MED21: variants seen among roughly 807,000 people sequenced by gnomAD.
The protein encoded by MED21 is mediator complex subunit 21.
A neutral mutation model predicts 18.2 loss-of-function variants in MED21; 9 were observed. The observed-to-expected ratio is 0.49, with a 90% confidence interval of 0.30 to 0.86. The LOEUF (loss-of-function observed/expected upper bound fraction) is 0.86. Ranked by LOEUF, MED21 falls within the 40% of genes least tolerant of loss-of-function variation. The pLI is 0.07. For synonymous variants in MED21, 73 were observed against 60.5 expected (o/e 1.21, Z -0.96); for missense variants, 150 against 170.9 (o/e 0.88, Z 0.68).
rs781165863 is a variant in MED21 at position 27,030,468 on chromosome 12, A to G, written c.*2007A>G. On this transcript the variant is annotated 3_prime_UTR_variant, in exon 4 of 4. Transcript: ENST00000282892. The stretch of plus-strand genomic sequence containing the variant: ...CCTAAAAAACTACAGATTATTTTCA[A>G]AAGCATTAATAAATTAAGGTGGAAT... The G allele has an allele frequency of 2.9e-6, 1 of 347,270 alleles. No individual in the cohort carries two copies. The highest frequency in any genetic ancestry group is 5.1e-6 in the Non-Finnish European group (1 of 195,528). 21.5% of individuals were successfully genotyped at this position (347,270 alleles called of 1,614,324 possible). A position where few individuals can be genotyped will look rare whatever the true frequency, so the allele number is the denominator to read the frequency against.
In MED21 at chr12:27,030,485, A is replaced by G; in HGVS notation, c.*2024A>G. On this transcript the variant is annotated 3_prime_UTR_variant, in exon 4 of 4. Coordinates refer to ENST00000282892, the MANE Select transcript of MED21 (RefSeq NM_004264.5). ...TATTTTCAAAAGCATTAATAAATTA[A>G]GGTGGAATACTAAAAAAGATTCAGG... The G allele has an allele frequency of 3.2e-6, 1 of 316,468 alleles. No homozygotes were observed. The highest frequency in any genetic ancestry group is 5.7e-6 in the Non-Finnish European group (1 of 176,142). 19.6% of individuals were successfully genotyped at this position (316,468 alleles called of 1,614,324 possible).
chr12:27,022,681 G>T (rs1941486823), intron 1 of MED21, 60 bp downstream of exon 1: 1 of 1,612,320 alleles, frequency 6.2e-7, no homozygotes, highest in African/African-American at 1.3e-5. Context: ...AGCAAGGGAG[G>T]AAAGGGGCCC....
chr12:27,022,813 G>T (rs1209046032), intron 1 of MED21, 192 bp downstream of exon 1: 7 of 1,507,004 alleles, frequency 4.6e-6, no homozygotes, highest in Non-Finnish European at 6.2e-6. Flanking sequence ...GGTGCTTGAA[G>T]GTGCGGGAGG....
intron 1 of MED21, among the ~76,000 whole-genome samples, chr12:27,023,454 G>T (rs568075664): frequency 6.6e-6 from 1 of 151,636 alleles, no homozygotes; most frequent in Non-Finnish European, 1.5e-5. Flanking sequence ...CCTCCACCAC[G>T]CCCGGCTAAT....
In MED21 at chr12:27,030,040, CTT is replaced by C. The variant is rs1339935553; in HGVS notation, c.*1580_*1581del. On this transcript the variant is annotated 3_prime_UTR_variant, in exon 4 of 4. Coordinates refer to ENST00000282892, the MANE Select transcript of MED21 (RefSeq NM_004264.5). ...TATAGGGTAAATATAATAGACTTCT[CTT>C]GAGGTTTTAAAAATTACATTTGTTA... 12 of 448,792 alleles carry C rather than the reference CTT, an allele frequency of 2.7e-5. No homozygotes were observed. The highest frequency in any genetic ancestry group is 1.9e-4 in the Admixed American group (5 of 26,516). The allele number at this position is 448,792 out of a possible 1,614,324, so 27.8% of individuals were successfully genotyped here.
downstream of MED21, among the ~76,000 whole-genome samples, chr12:27,034,107 C>G (rs972463788): frequency 3.9e-5 from 6 of 152,060 alleles, no homozygotes; most frequent in African/African-American, 1.4e-4. Context: ...AAACTTAATC[C>G]TTTAAACTTC....
In MED21 at chr12:27,030,286, C is replaced by T. The variant is rs1477186432; in HGVS notation, c.*1825C>T. The T allele has an allele frequency of 2.8e-5, 14 of 506,648 alleles. No individual in the cohort carries two copies. The highest frequency in any genetic ancestry group is 2.5e-4 in the East Asian group (8 of 32,430). 31.4% of individuals were successfully genotyped at this position (506,648 alleles called of 1,614,324 possible). On this transcript the variant is annotated 3_prime_UTR_variant, in exon 4 of 4. Coordinates refer to ENST00000282892, the MANE Select transcript of MED21 (RefSeq NM_004264.5). The stretch of plus-strand genomic sequence containing the variant: ...CTGGGACTACAGGCATGTACTACCA[C>T]GTCCAGCTAATTTTTTTTTTCTTTT...
Position 27,028,389 on chromosome 12 carries a change from A to G in MED21, c.363A>G (p.Ala121=), listed in dbSNP as rs1381707617. 6.2e-7 allele frequency: 1 copy of G among 1,614,162 alleles called. No homozygotes were observed. Among genetic ancestry groups the G allele is most frequent in the Non-Finnish European group, 8.5e-7 (1 of 1,180,012 alleles). The change falls in exon 4 of 4, where the codon GCA becomes GCG. Residue 121 remains alanine, a synonymous_variant. Coordinates refer to ENST00000282892, the MANE Select transcript of MED21 (RefSeq NM_004264.5). ...GDMLLEKIQS[A]LADIAQSQLK... ...TGCTTCTGGAGAAGATACAAAGCGC[A>G]CTTGCTGATATTGCACAGTCACAGC... is the stretch of plus-strand genomic sequence containing the variant.
At chr12:27,030,774 T>C (rs1409443549), downstream of MED21, 1 of 152,212 alleles carries the variant, frequency 6.6e-6, no homozygotes, top group Non-Finnish European at 1.5e-5. Flanking sequence ...AAGATTTCTG[T>C]GGGTGAAACC....
chr12:27,022,757 G>C (rs1380190464), intron 1 of MED21, 136 bp downstream of exon 1: 3 of 1,550,662 alleles, frequency 1.9e-6, no homozygotes, highest in Admixed American at 1.9e-5. Context: ...GCGCTCTCTC[G>C]GGAGGCGCCA....
In MED21 at chr12:27,030,296, A is replaced by AT. The variant is rs796448365; in HGVS notation, c.*1845dup. ...AGGCATGTACTACCACGTCCAGCTA[A>AT]TTTTTTTTTTCTTTTTTTTTTAGAG... On this transcript the variant is annotated 3_prime_UTR_variant, in exon 4 of 4. Coordinates refer to ENST00000282892, the MANE Select transcript of MED21 (RefSeq NM_004264.5). 2.4e-3 allele frequency: 1,092 copies of AT among 457,144 alleles called. No homozygotes were observed. The highest frequency in any genetic ancestry group is 5.7e-3 in the South Asian group (149 of 26,210). 28.3% of individuals were successfully genotyped at this position (457,144 alleles called of 1,614,324 possible). A position where few individuals can be genotyped will look rare whatever the true frequency, so the allele number is the denominator to read the frequency against.
chr12:27,022,921 G>A (rs1035073120), intron 1 of MED21: 4 of 1,275,976 alleles, frequency 3.1e-6, no homozygotes, highest in Non-Finnish European at 3.0e-6. Flanking sequence ...TGTTCCCTGA[G>A]GACAGTTTTA....
intron 1 of MED21, 109 bp downstream of exon 1, chr12:27,022,730 C>G (rs1224431493): frequency 1.9e-6 from 3 of 1,592,342 alleles, no homozygotes; most frequent in Non-Finnish European, 1.7e-6. Flanking sequence ...GACTGAGAGA[C>G]AGGGCTTCGG....
intron 1 of MED21, chr12:27,022,982 G>A: frequency 1.0e-6 from 1 of 989,258 alleles, no homozygotes; most frequent in Non-Finnish European, 1.3e-6. Flanking sequence ...GGGTTGGGAG[G>A]AGAAGCAGGA....
chr12:27,025,789 G>A (rs1941536985), intron 1 of MED21, among the ~76,000 whole-genome samples: 1 of 152,120 alleles, frequency 6.6e-6, no homozygotes, highest in Admixed American at 6.5e-5. Flanking sequence ...AGGGAAGATA[G>A]GTGTATTTAA....
chr12:27,027,503 G>A (rs1941561811), intron 3 of MED21, 56 bp downstream of exon 3: 2 of 1,329,262 alleles, frequency 1.5e-6, no homozygotes, highest in South Asian at 1.2e-5. Context: ...TGAATTAAAG[G>A]AGGTAGATTT....
Position 27,036,362 on chromosome 12 carries a change from C to T in MED21, n.146+8915C>T, listed in dbSNP as rs377720950. Among the ~76,000 whole-genome samples the T allele has an allele frequency of 1.2e-4, 18 of 152,198 alleles. No homozygotes were observed. The South Asian group carries it at 3.1e-3, about 26-fold the overall frequency. On this transcript the variant is annotated intron_variant and non_coding_transcript_variant, in intron 2 of 4. Transcript: ENST00000538186. ...AGCCCTTTGTCAGATGAGTAGGTTG[C>T]GAAAATTTTCTCCCATTCTGTAGGT...
chr12:27,025,779 A>T (rs1366888432), intron 1 of MED21, among the ~76,000 whole-genome samples: 1 of 152,226 alleles, frequency 6.6e-6, no homozygotes, highest in African/African-American at 2.4e-5. Flanking sequence ...AGAAATTGGT[A>T]GGGAAGATAG....
chr12:27,034,341 C>T (rs1237514303), downstream of MED21, among the ~76,000 whole-genome samples: 3 of 152,078 alleles, frequency 2.0e-5, no homozygotes, highest in Non-Finnish European at 4.4e-5. Context: ...AGAATCGGTA[C>T]AGCCTGGGAG....
Sources: gnomAD v4.1 joint callset for allele counts (sites outside exome capture counted in the v4.1 genomes callset) on GRCh38, gnomAD v4.1.1 for gene constraint, MANE v1.5 for transcripts, NCBI Gene and HGNC (gene_info 2026-07-23, HGNC 2026-07-21) for gene names.